The following DPYD variants were observed in gnomAD, a reference collection of about 807,000 sequenced individuals.
The protein encoded by DPYD is dihydropyrimidine dehydrogenase [NADP(+)].
Under a neutral mutation model 116.2 loss-of-function variants are expected in DPYD, and 109 were observed. The observed-to-expected ratio is 0.94, with a 90% CI of 0.80 to 1.10. DPYD has a LOEUF of 1.10. Ranked by LOEUF, DPYD falls within the 50% of genes least tolerant of loss-of-function variation. The pLI is 0.00. For missense variants in DPYD, 1,302 were observed against 1,254.5 expected (o/e 1.04, Z -0.57); for synonymous variants, 440 against 432.0 (o/e 1.02, Z -0.23).
intron 20 of DPYD, among the ~76,000 whole-genome samples, chr1:97,099,784 T>A (rs1412408916): frequency 1.3e-5 from 2 of 152,048 alleles, no homozygotes; most frequent in Non-Finnish European, 2.9e-5. Flanking sequence ...TCAGCTTGCA[T>A]AACGCCCCAG....
chr1:97,781,872 C>G (rs1266279933), intron 3 of DPYD, among the ~76,000 whole-genome samples: 2 of 152,158 alleles, frequency 1.3e-5, no homozygotes, highest in African/African-American at 4.8e-5. Context: ...TACAGCTTAG[C>G]TCAATAACCA....
At chr1:97,538,611 A>G (rs1650194378) in intron 12 of DPYD, among the ~76,000 whole-genome samples, 1 of 152,208 alleles carries the variant, frequency 6.6e-6, no homozygotes, top group Non-Finnish European at 1.5e-5. Context: ...TCATGAACCT[A>G]ATAAACACCT....
At chr1:97,388,986 A>T (rs895373810) in intron 14 of DPYD, among the ~76,000 whole-genome samples, 3 of 152,084 alleles carry the variant, frequency 2.0e-5, no homozygotes, top group Non-Finnish European at 4.4e-5. Flanking sequence ...ACAAATAAGT[A>T]TGGATGCATT....
chr1:97,776,768 C>T (rs988433698), intron 3 of DPYD, among the ~76,000 whole-genome samples: 4 of 152,092 alleles, frequency 2.6e-5, no homozygotes, highest in Non-Finnish European at 4.4e-5. Flanking sequence ...AGGCAGTCTA[C>T]GTTTTGGAGC....
chr1:97,450,049 T>C lies in DPYD; in HGVS notation c.1905+10A>G, dbSNP rs1676323024. The C allele has an allele frequency of 3.1e-6, 5 of 1,613,710 alleles. No individual in the cohort carries two copies. Among genetic ancestry groups the C allele is most frequent in the Non-Finnish European group, 4.2e-6 (5 of 1,179,792 alleles). ...CAATTCTCTTGTTTTAGATGTTAAA[T>C]CACACTTACGTTGTCTGGAAAGTCA... is the stretch of plus-strand genomic sequence containing the variant. On this transcript the variant is annotated intron_variant, in intron 14 of 22. Transcript: ENST00000370192.
chr1:97,854,243 G>A (rs545918581), intron 2 of DPYD, among the ~76,000 whole-genome samples: 3 of 152,294 alleles, frequency 2.0e-5, no homozygotes, highest in Admixed American at 2.0e-4. Flanking sequence ...AGAGATTTCT[G>A]CAAAGGAATT....
chr1:97,316,682 T>C (rs1381881321), intron 16 of DPYD, among the ~76,000 whole-genome samples: 1 of 151,772 alleles, frequency 6.6e-6, no homozygotes. Context: ...TTCTGCTTGT[T>C]TGAAGTCTAG....
chr1:97,812,670 T>C (rs1668395692), intron 3 of DPYD, among the ~76,000 whole-genome samples: 1 of 152,082 alleles, frequency 6.6e-6, no homozygotes, highest in South Asian at 2.1e-4. Flanking sequence ...AAATACTCTA[T>C]TTCTGGGCAT....
At chr1:97,235,041 G>A (rs781264299) in intron 18 of DPYD, 47 bp from the exon 19 acceptor site, 1 of 1,609,608 alleles carries the variant, frequency 6.2e-7, no homozygotes, top group Non-Finnish European at 8.5e-7. Context: ...GACCACTTGA[G>A]TATACTGTCT....
intron 20 of DPYD, among the ~76,000 whole-genome samples, chr1:97,167,278 G>A (rs544342149): frequency 2.0e-5 from 3 of 152,124 alleles, no homozygotes; most frequent in South Asian, 2.1e-4. Context: ...ATACTCTCTC[G>A]ATTTTATTTA....
chr1:97,128,154 G>A (rs75798503), intron 20 of DPYD, among the ~76,000 whole-genome samples: 1 of 152,086 alleles, frequency 6.6e-6, no homozygotes, highest in African/African-American at 2.4e-5. Context: ...TCAGAAAAAG[G>A]ATGCCTGCAG....
intron 11 of DPYD, among the ~76,000 whole-genome samples, chr1:97,561,902 T>C (rs1652178196): frequency 6.6e-6 from 1 of 152,208 alleles, no homozygotes; most frequent in South Asian, 2.1e-4. Flanking sequence ...TAATTCTTGC[T>C]GCTGCAAGTC....
At chr1:97,466,996 A>G (rs145105217) in intron 13 of DPYD, among the ~76,000 whole-genome samples, 5 of 152,212 alleles carry the variant, frequency 3.3e-5, no homozygotes, top group African/African-American at 7.2e-5. Context: ...TTGAGATCCT[A>G]CAAGAAAAAT....
At chr1:97,602,963 C>T (rs942343553) in intron 8 of DPYD, among the ~76,000 whole-genome samples, 15 of 151,946 alleles carry the variant, frequency 9.9e-5, no homozygotes, top group Non-Finnish European at 2.9e-5. Flanking sequence ...AATTTATCCT[C>T]ATTACTCTGC....
intron 1 of DPYD, among the ~76,000 whole-genome samples, chr1:97,894,222 G>C (rs1449909722): frequency 6.6e-6 from 1 of 151,796 alleles, no homozygotes; most frequent in Non-Finnish European, 1.5e-5. Context: ...ATGAGAATGA[G>C]AGAAAGCTCT....
chr1:97,687,352 T>TATA (rs1381179445), intron 7 of DPYD, among the ~76,000 whole-genome samples: 2 of 152,002 alleles, frequency 1.3e-5, no homozygotes, highest in African/African-American at 4.8e-5. Context: ...GACATTTATG[T>TATA]GGCCAACAAA....
intron 18 of DPYD, among the ~76,000 whole-genome samples, chr1:97,288,010 A>G (rs1393537758): frequency 6.6e-6 from 1 of 150,976 alleles, no homozygotes; most frequent in East Asian, 2.0e-4. Flanking sequence ...GCAAATGGAA[A>G]ACAAAAAAAG....
At chr1:97,864,449 A>G (rs879824147) in intron 2 of DPYD, among the ~76,000 whole-genome samples, 3 of 151,904 alleles carry the variant, frequency 2.0e-5, no homozygotes, top group Non-Finnish European at 4.4e-5. Context: ...CTAGGCCACT[A>G]AGGAGTGGAA....
At chr1:97,373,775 G>T in intron 15 of DPYD, 131 bp from the exon 16 acceptor site, 2 of 749,812 alleles carry the variant, frequency 2.7e-6, no homozygotes, top group African/African-American at 1.7e-5. Flanking sequence ...CAGCTATCTT[G>T]TGAGGTATAG....
Sources: allele counts gnomAD v4.1 joint callset (sites outside exome capture counted in the v4.1 genomes callset), GRCh38; gene constraint gnomAD v4.1.1; transcripts MANE v1.5; gene names NCBI Gene and HGNC (gene_info 2026-07-23, HGNC 2026-07-21).